Variants in GFPT1 observed in about 807,000 individuals in gnomAD.
GFPT1 encodes glutamine--fructose-6-phosphate transaminase 1.
Under a neutral mutation model 92.0 loss-of-function variants are expected in GFPT1, and 40 were observed. The ratio of observed to expected loss-of-function variants is 0.43; its 90% CI spans 0.34 to 0.57. GFPT1 has a LOEUF of 0.57. Ranked by LOEUF, GFPT1 falls within the 20% of genes least tolerant of loss-of-function variation. The pLI, the probability that GFPT1 is intolerant of heterozygous loss-of-function variation, is 0.02. For synonymous variants in GFPT1, 269 were observed against 280.6 expected (o/e 0.96, Z 0.41); for missense variants, 448 against 869.1 (o/e 0.52, Z 6.09).
chr2:69,358,575 A>G (rs2104656153), intron 5 of GFPT1, 112 bp from the exon 6 acceptor site: 1 of 747,964 alleles, frequency 1.3e-6, no homozygotes, highest in African/African-American at 1.8e-5. Context: ...TTCTTTGAAC[A>G]CCATATCCCA....
At chr2:69,333,788 CA>C in intron 15 of GFPT1, among the ~76,000 whole-genome samples, 1 of 152,160 alleles carries the variant, frequency 6.6e-6, no homozygotes, top group East Asian at 1.9e-4. Flanking sequence ...GTTTTTCAGG[CA>C]AAGTTGAGAA....
chr2:69,374,147 G>A (rs748280539), intron 1 of GFPT1, 34 bp from the exon 2 acceptor site: 2 of 1,064,486 alleles, frequency 1.9e-6, no homozygotes. Context: ...GAAAAATTCT[G>A]ATTTAAAAAA....
intron 1 of GFPT1, among the ~76,000 whole-genome samples, chr2:69,385,186 T>A (rs1050447097): frequency 1.3e-5 from 2 of 152,202 alleles, no homozygotes; most frequent in Non-Finnish European, 2.9e-5. Flanking sequence ...GTATCTCCCT[T>A]ATCTGAACCT....
At position 69,321,508 on chromosome 2, in the gene GFPT1, C is replaced by G. The variant is rs1439759861; in HGVS notation, c.*4681G>C. The stretch of plus-strand genomic sequence containing the variant: ...CACTTCAAATATTAGCAAATTGCTT[C>G]AAAATGAAATTCTAAGCAAGTTTTT... On this transcript the variant is annotated 3_prime_UTR_variant, in exon 20 of 20. Coordinates refer to ENST00000357308, the MANE Select transcript of GFPT1 (RefSeq NM_001244710.2). 1 of 152,158 alleles carries G rather than the reference C, an allele frequency of 6.6e-6. No homozygotes were observed. Among genetic ancestry groups the G allele is most frequent in the Non-Finnish European group, 1.5e-5 (1 of 68,016 alleles). 9.4% of individuals were successfully genotyped at this position (152,158 alleles called of 1,614,324 possible).
At chr2:69,365,638 TA>T (rs1671592844) in intron 3 of GFPT1, among the ~76,000 whole-genome samples, 1 of 152,144 alleles carries the variant, frequency 6.6e-6, no homozygotes, top group South Asian at 2.1e-4. Context: ...ACATGGCAGA[TA>T]CCTTTTTGTT....
At chr2:69,352,637 A>AAC (rs1671238252) in intron 9 of GFPT1, among the ~76,000 whole-genome samples, 2 of 150,764 alleles carry the variant, frequency 1.3e-5, no homozygotes, top group East Asian at 1.9e-4. Flanking sequence ...AAAAAAAAAA[A>AAC]CAACTACTTT....
chr2:69,362,069 T>C (rs1448361343), intron 4 of GFPT1, among the ~76,000 whole-genome samples: 1 of 152,092 alleles, frequency 6.6e-6, no homozygotes, highest in Non-Finnish European at 1.5e-5. Flanking sequence ...TTTTTTTAAA[T>C]GAAAGAACAG....
chr2:69,378,518 T>G (rs1671934467), intron 1 of GFPT1, among the ~76,000 whole-genome samples: 1 of 152,228 alleles, frequency 6.6e-6, no homozygotes, highest in African/African-American at 2.4e-5. Flanking sequence ...AGCAGATGCT[T>G]GAACCTACAG....
intron 18 of GFPT1, 34 bp from the exon 19 acceptor site, chr2:69,327,109 A>C (rs1188131271): frequency 6.2e-7 from 1 of 1,606,012 alleles, no homozygotes; most frequent in South Asian, 1.1e-5. Flanking sequence ...ACACAACATC[A>C]CTGGTGGGCA....
intron 1 of GFPT1, among the ~76,000 whole-genome samples, chr2:69,377,393 G>T (rs1008693936): frequency 3.3e-5 from 5 of 151,166 alleles, no homozygotes; most frequent in African/African-American, 1.2e-4. Flanking sequence ...GCTCACACCT[G>T]TAATCCCGAC....
intron 1 of GFPT1, 56 bp downstream of exon 1, chr2:69,387,009 C>A: frequency 7.4e-7 from 1 of 1,353,668 alleles, no homozygotes; most frequent in Non-Finnish European, 1.0e-6. Flanking sequence ...TTAGCGGCAC[C>A]CGCACCGCAC....
At chr2:69,384,169 AAT>A (rs1444414305) in intron 1 of GFPT1, among the ~76,000 whole-genome samples, 1 of 152,214 alleles carries the variant, frequency 6.6e-6, no homozygotes, top group Non-Finnish European at 1.5e-5. Flanking sequence ...GCTTATTATT[AAT>A]ACATTAAAGA....
At chr2:69,329,196 T>C in intron 17 of GFPT1, 101 bp downstream of exon 17, 2 of 1,208,498 alleles carry the variant, frequency 1.7e-6, no homozygotes, top group East Asian at 2.3e-5. Context: ...AGAAGCACTT[T>C]CAAAAGTTCT....
chr2:69,329,448 A>C (rs372942111), intron 16 of GFPT1, 24 bp from the exon 17 acceptor site: 444 of 1,561,976 alleles, frequency 2.8e-4, no homozygotes, highest in Non-Finnish European at 3.7e-4. Flanking sequence ...TTAGCAAAAA[A>C]GGACAATAAA....
chr2:69,327,190 C>A, intron 18 of GFPT1, 115 bp from the exon 19 acceptor site: 1 of 847,262 alleles, frequency 1.2e-6, no homozygotes, highest in Non-Finnish European at 2.0e-6. Flanking sequence ...CACGGACAGA[C>A]TTCTTTAAAT....
At chr2:69,373,569 T>C (rs1473059155) in intron 2 of GFPT1, among the ~76,000 whole-genome samples, 1 of 152,060 alleles carries the variant, frequency 6.6e-6, no homozygotes, top group Non-Finnish European at 1.5e-5. Flanking sequence ...TAGTGAGCTA[T>C]GACCGCACCA....
intron 19 of GFPT1, among the ~76,000 whole-genome samples, 160 bp from the exon 20 acceptor site, chr2:69,326,393 T>C (rs1344472108): frequency 6.6e-6 from 1 of 152,122 alleles, no homozygotes; most frequent in Non-Finnish European, 1.5e-5. Context: ...TTAGAAAATA[T>C]AATCACATAA....
intron 4 of GFPT1, among the ~76,000 whole-genome samples, chr2:69,359,845 A>G (rs1344424216): frequency 6.6e-6 from 1 of 152,256 alleles, no homozygotes; most frequent in East Asian, 1.9e-4. Context: ...TTCCATAGTT[A>G]AATTTACTTG....
At chr2:69,334,738 G>C (rs919570221) in intron 15 of GFPT1, 10 of 152,140 alleles carry the variant, frequency 6.6e-5, no homozygotes, top group Admixed American at 2.0e-4. Flanking sequence ...AGACACACAA[G>C]ACGTGTTATA....
Sources: allele counts gnomAD v4.1 joint callset (sites outside exome capture counted in the v4.1 genomes callset), GRCh38; gene constraint gnomAD v4.1.1; transcripts MANE v1.5; gene names NCBI Gene and HGNC (gene_info 2026-07-23, HGNC 2026-07-21).